Variants in NEURL1 observed in about 807,000 individuals in gnomAD.
NEURL1 encodes E3 ubiquitin-protein ligase NEURL1.
Under a neutral mutation model 41.2 loss-of-function variants are expected in NEURL1, and 26 were observed. The observed-to-expected ratio is 0.63, with a 90% CI of 0.46 to 0.87. The LOEUF (loss-of-function observed/expected upper bound fraction) is 0.87, where lower values mean the gene tolerates loss of function less well. Among genes scored for constraint, NEURL1 ranks in the 40% least tolerant of loss-of-function variants. The pLI is 0.00. For synonymous variants in NEURL1, 400 were observed against 402.3 expected (o/e 0.99, Z 0.07); for missense variants, 761 against 871.1 (o/e 0.87, Z 1.59).
At chr10:103,507,757 C>T (rs1246065266) in intron 1 of NEURL1, among the ~76,000 whole-genome samples, 1 of 152,234 alleles carries the variant, frequency 6.6e-6, no homozygotes, top group Non-Finnish European at 1.5e-5. Flanking sequence ...GTCCTCTCTG[C>T]CTGTCACAGG....
intron 1 of NEURL1, among the ~76,000 whole-genome samples, chr10:103,559,970 A>G (rs1010580433): frequency 3.5e-4 from 53 of 151,586 alleles, no homozygotes; most frequent in African/African-American, 1.3e-3. Flanking sequence ...GCACATATAT[A>G]CACATATGCA....
chr10:103,585,037 G>A lies in NEURL1; in HGVS notation c.1151G>A (p.Trp384Ter). Reference protein sequence around the residue: ...PEALVDRKEFWAVCRVPGPLH... With the variant: ...PEALVDRKEF ...GCCCTGGTGGACCGCAAGGAATTCT[G>A]GGCCGTGTGCCGCGTGCCCGGGCCC... The change falls in exon 4 of 6, where the codon TGG (tryptophan) becomes TAG (stop). Residue 384 changes from tryptophan to a stop codon, truncating the protein, a stop_gained. Transcript: ENST00000369780. LOFTEE classifies it high-confidence loss of function. 1 of 1,587,986 alleles carries A rather than the reference G, an allele frequency of 6.3e-7. No homozygotes were observed. The highest frequency in any genetic ancestry group is 8.5e-7 in the Non-Finnish European group (1 of 1,175,318).
intron 1 of NEURL1, among the ~76,000 whole-genome samples, chr10:103,551,823 G>C (rs1446924929): frequency 1.3e-5 from 2 of 152,144 alleles, no homozygotes; most frequent in African/African-American, 4.8e-5. Flanking sequence ...AACCCTTTTA[G>C]ACTGCAGTGT....
intron 1 of NEURL1, among the ~76,000 whole-genome samples, chr10:103,561,065 CA>C (rs2035281330): frequency 6.6e-6 from 1 of 152,214 alleles, no homozygotes; most frequent in Non-Finnish European, 1.5e-5. Flanking sequence ...CAAGGCTTGC[CA>C]AGCTTACTCA....
chr10:103,588,672 C>T (rs142111055), intron 4 of NEURL1: 106 of 410,908 alleles, frequency 2.6e-4, no homozygotes, highest in African/African-American at 1.8e-3. Context: ...GAAGGCCGGG[C>T]GCAGCGGCTC....
In NEURL1 at chr10:103,493,781, C is replaced by T. The variant is rs1486253069; in HGVS notation, c.-607C>T. ...TCCTGGAGACTGCCGGGGCGGGGGGCGGGGGCGGCGGTCGCAGGAGGGACC... is the reference window on the plus strand; with the variant it reads ...TCCTGGAGACTGCCGGGGCGGGGGGTGGGGGCGGCGGTCGCAGGAGGGACC... On this transcript the variant is annotated 5_prime_UTR_variant, in exon 1 of 6. Transcript: ENST00000369780. 1.5e-4 allele frequency among the ~76,000 whole-genome samples: 22 copies of T among 148,756 alleles called. No homozygotes were observed. Among genetic ancestry groups the T allele is most frequent in the East Asian group, 8.4e-4 (4 of 4,754 alleles).
In NEURL1 at chr10:103,515,709, A is replaced by AGT. The variant is rs144718975; in HGVS notation, c.85+21240_85+21241dup. ...AGTGAAACCAGATGACGAATGAACT[A>AGT]GTGTCCACACAGACCCTAGGTGTCT... On this transcript the variant is annotated intron_variant, in intron 1 of 5. Transcript: ENST00000369780. Among the ~76,000 whole-genome samples the AGT allele has an allele frequency of 1.6e-3, 240 of 152,378 alleles. 6 individuals carry two copies. In the East Asian group the frequency reaches 0.045, roughly 28 times the overall value.
chr10:103,586,564 G>A (rs545706839), intron 4 of NEURL1, among the ~76,000 whole-genome samples: 1 of 151,000 alleles, frequency 6.6e-6, no homozygotes, highest in South Asian at 2.1e-4. Flanking sequence ...GTGTGTAGAT[G>A]AGTGAGCATG....
intron 1 of NEURL1, among the ~76,000 whole-genome samples, chr10:103,565,902 C>G (rs935544036): frequency 2.0e-4 from 31 of 152,158 alleles, no homozygotes; most frequent in Admixed American, 2.0e-3. Context: ...ATCAGCCTGC[C>G]TTGGCCTCCC....
At chr10:103,500,065 G>A (rs1051080206) in intron 1 of NEURL1, among the ~76,000 whole-genome samples, 4 of 152,128 alleles carry the variant, frequency 2.6e-5, no homozygotes, top group Non-Finnish European at 5.9e-5. Context: ...TCCACCCCCG[G>A]GAATGCAGCA....
intron 1 of NEURL1, among the ~76,000 whole-genome samples, chr10:103,504,201 C>T (rs1421503532): frequency 3.9e-5 from 6 of 152,132 alleles, no homozygotes; most frequent in South Asian, 4.2e-4. Flanking sequence ...CCATGTTGGT[C>T]AGGCTGGTCT....
intron 1 of NEURL1, among the ~76,000 whole-genome samples, chr10:103,532,400 T>A (rs1219397839): frequency 6.6e-6 from 1 of 152,236 alleles, no homozygotes; most frequent in African/African-American, 2.4e-5. Flanking sequence ...GTGATGATTG[T>A]CTTTTTTGCT....
At chr10:103,513,050 G>T (rs1010369769) in intron 1 of NEURL1, among the ~76,000 whole-genome samples, 2 of 151,514 alleles carry the variant, frequency 1.3e-5, no homozygotes, top group African/African-American at 4.9e-5. Context: ...AGGACCCCCT[G>T]CCCCTCTCCA....
intron 1 of NEURL1, among the ~76,000 whole-genome samples, chr10:103,548,392 G>C (rs999115979): frequency 2.6e-5 from 4 of 152,002 alleles, no homozygotes; most frequent in Non-Finnish European, 5.9e-5. Context: ...GCACAATCTC[G>C]GCTCACTGCA....
chr10:103,559,931 T>C (rs1023602310), intron 1 of NEURL1, among the ~76,000 whole-genome samples: 2 of 150,806 alleles, frequency 1.3e-5, no homozygotes, highest in Admixed American at 6.6e-5. Flanking sequence ...ACACACATAT[T>C]ACACACATGC....
At chr10:103,587,656 C>A (rs1445022628) in intron 4 of NEURL1, among the ~76,000 whole-genome samples, 1 of 152,226 alleles carries the variant, frequency 6.6e-6, no homozygotes, top group Non-Finnish European at 1.5e-5. Flanking sequence ...ACAAAACATA[C>A]AGCCAGTTCC....
chr10:103,588,673 G>A (rs1294522099), intron 4 of NEURL1: 19 of 415,936 alleles, frequency 4.6e-5, no homozygotes, highest in Admixed American at 3.7e-4. Flanking sequence ...AAGGCCGGGC[G>A]CAGCGGCTCA....
At position 103,508,561 on chromosome 10, in the gene NEURL1, C is replaced by A. The variant is rs1322554099; in HGVS notation, c.85+14089C>A. Among the ~76,000 whole-genome samples, 1 of 152,186 alleles carries A rather than the reference C, an allele frequency of 6.6e-6. No individual in the cohort carries two copies. Among genetic ancestry groups the A allele is most frequent in the African/African-American group, 2.4e-5 (1 of 41,442 alleles). On this transcript the variant is annotated intron_variant, in intron 1 of 5. Coordinates refer to ENST00000369780, the MANE Select transcript of NEURL1 (RefSeq NM_004210.5). The surrounding 1 kb of genome is among the most constrained non-coding windows in gnomAD (Gnocchi z 4.3). ...TCCGCAAGTCCCATGCAGGAAACCC[C>A]CTCTTTGGAGGGCTGAGAGGGCTTA...
rs1247103274 is a variant in NEURL1 at position 103,552,822 on chromosome 10, T to G, written c.86-18050T>G. ...CAGCCAGGCCATGGCTCTCTCTGTA[T>G]AGGACCGAGTAGGGTAAGTGTTAGG... On this transcript the variant is annotated intron_variant, in intron 1 of 5. Coordinates refer to ENST00000369780, the MANE Select transcript of NEURL1 (RefSeq NM_004210.5). Among the ~76,000 whole-genome samples the G allele has an allele frequency of 2.0e-5, 3 of 151,216 alleles. 1 individual carries two copies. The highest frequency in any genetic ancestry group is 7.4e-5 in the African/African-American group (3 of 40,592).
Sources: gnomAD v4.1 joint callset for allele counts (sites outside exome capture counted in the v4.1 genomes callset) on GRCh38, gnomAD v4.1.1 for gene constraint, Gnocchi (gnomAD v3.1) non-coding constraint, MANE v1.5 for transcripts, NCBI Gene and HGNC (gene_info 2026-07-23, HGNC 2026-07-21) for gene names.